The following ZNF786 variants were observed in gnomAD, a reference collection of about 807,000 sequenced individuals.
ZNF786 encodes the protein zinc finger protein 786.
In ZNF786, 56 loss-of-function variants were observed where a neutral mutation model predicts 63.1. The ratio of observed to expected loss-of-function variants is 0.89; its 90% CI spans 0.72 to 1.11. The LOEUF is 1.11. Ranked by LOEUF, ZNF786 falls within the 50% of genes least tolerant of loss-of-function variation. The pLI is 0.00. For synonymous variants in ZNF786, 485 were observed against 406.9 expected (o/e 1.19, Z -2.31); for missense variants, 1,213 against 1,041.8 (o/e 1.16, Z -2.26).
chr7:149,073,686 TATAC>T (rs1825474158), intron 3 of ZNF786, among the ~76,000 whole-genome samples: 1 of 148,260 alleles, frequency 6.7e-6, no homozygotes, highest in Non-Finnish European at 1.5e-5. Flanking sequence ...TATACATTTA[TATAC>T]ATATGTATAT....
chr7:149,079,594 C>T (rs1422538045), intron 2 of ZNF786, among the ~76,000 whole-genome samples: 1 of 123,140 alleles, frequency 8.1e-6, no homozygotes, highest in African/African-American at 3.1e-5. Context: ...CTTTTTGGAA[C>T]GGAGTCTCAC....
At chr7:149,077,217 T>C (rs1401075892) in intron 2 of ZNF786, among the ~76,000 whole-genome samples, 3 of 152,224 alleles carry the variant, frequency 2.0e-5, no homozygotes, top group Non-Finnish European at 4.4e-5. Context: ...GATCAGCTTA[T>C]CAAATTCCGC....
intron 1 of ZNF786, among the ~76,000 whole-genome samples, chr7:149,089,209 C>T (rs1327655799): frequency 6.6e-6 from 1 of 152,212 alleles, no homozygotes; most frequent in Non-Finnish European, 1.5e-5. Context: ...GCCTTGGCCT[C>T]CCAAAGTGCT....
chr7:149,071,176 G>A lies in ZNF786; in HGVS notation c.1596C>T (p.Ser532=), dbSNP rs557316794. The change falls in exon 4 of 4, where the codon AGC becomes AGT. Residue 532 remains serine (S), a synonymous_variant. Transcript: ENST00000491431. ...TCAGGCACTGGAAGGGCCTCTCCCCGCTGTGCACTCTCAGGTGCTCACGGA... is the reference window on the plus strand; with the variant it reads ...TCAGGCACTGGAAGGGCCTCTCCCCACTGTGCACTCTCAGGTGCTCACGGA... ...CKLREHLRVH[S]GERPFQCLKC... is the part of the protein sequence containing the mutation. The A allele has an allele frequency of 6.2e-6, 10 of 1,610,988 alleles. No individual in the cohort carries two copies. The South Asian group carries it at 7.7e-5, about 12-fold the overall frequency.
chr7:149,082,768 A>T (rs1209763585), intron 1 of ZNF786, among the ~76,000 whole-genome samples: 1 of 151,752 alleles, frequency 6.6e-6, no homozygotes, highest in African/African-American at 2.4e-5. Context: ...TTTTTTGTAG[A>T]GACGGGGTTT....
At chr7:149,082,555 G>A (rs748288087) in intron 1 of ZNF786, 54 of 909,440 alleles carry the variant, frequency 5.9e-5, no homozygotes, top group Non-Finnish European at 6.6e-5. Flanking sequence ...AATTTTTATG[G>A]GTATTAAAGT....
Position 149,070,884 on chromosome 7 carries a change from A to G in ZNF786, c.1888T>C (p.Tyr630His). Residue 630 changes from tyrosine to histidine, a missense_variant, in exon 4 of 4, where the codon TAT (tyrosine) becomes CAT (histidine). Coordinates refer to ENST00000491431, the MANE Select transcript of ZNF786 (RefSeq NM_152411.4). ...PFQCPECDKR[Y>H]RVKADMKAHQ... ...GCCTTCATGTCGGCCTTCACGCGAT[A>G]GCGCTTGTCGCACTCCGGACACTGG... 2 of 1,613,504 alleles carry G rather than the reference A, an allele frequency of 1.2e-6. No homozygotes were observed. The highest frequency in any genetic ancestry group is 1.7e-6 in the Non-Finnish European group (2 of 1,179,970).
At position 149,081,483 on chromosome 7, in the gene ZNF786, A is replaced by G. The variant is rs1825653534; in HGVS notation, c.19-766T>C. Among the ~76,000 whole-genome samples, 3 of 149,514 alleles carry G rather than the reference A, an allele frequency of 2.0e-5. No homozygotes were observed. In the South Asian group the frequency reaches 6.3e-4, roughly 32 times the overall value. On this transcript the variant is annotated intron_variant, in intron 1 of 3. Coordinates refer to ENST00000491431, the MANE Select transcript of ZNF786 (RefSeq NM_152411.4). The stretch of plus-strand genomic sequence containing the variant: ...AAAAAAGTGTTCTCATGCGCTTTCT[A>G]GGTATTAGTGCTTTTACTTCTTCAG...
intron 1 of ZNF786, among the ~76,000 whole-genome samples, chr7:149,088,480 TATG>T (rs1447176078): frequency 1.3e-5 from 2 of 152,244 alleles, no homozygotes; most frequent in Non-Finnish European, 2.9e-5. Context: ...TGCATAGCAC[TATG>T]ATTTTTAGAA....
At chr7:149,087,316 C>T (rs1362966187) in intron 1 of ZNF786, among the ~76,000 whole-genome samples, 1 of 152,162 alleles carries the variant, frequency 6.6e-6, no homozygotes, top group Non-Finnish European at 1.5e-5. Context: ...CAATATATTA[C>T]AAAATTTTGC....
At position 149,071,872 on chromosome 7, in the gene ZNF786, T is replaced by G. The variant is rs774791183; in HGVS notation, c.900A>C (p.Pro300=). 4.4e-6 allele frequency: 7 copies of G among 1,600,280 alleles called. No individual in the cohort carries two copies. In the South Asian group the frequency reaches 7.7e-5, roughly 18 times the overall value. The change falls in exon 4 of 4, where the codon CCA becomes CCC. Residue 300 remains proline, a synonymous_variant. Transcript: ENST00000491431. ...CCACTGGGAGGGAGCGCTTGCCGCA[T>G]GGGGTGCACTGGGCAGGCTTCTCCC... ...QQGEKPAQCT[P]CGKRSLPVDS...
At position 149,071,904 on chromosome 7, in the gene ZNF786, G is replaced by A; in HGVS notation, c.868C>T (p.Gln290Ter). ...ELTHPSHRLP[Q>*]QGEKPAQCTP... ...CACTGGGCAGGCTTCTCCCCCTGCT[G>A]CGGGAGGCGGTGGCTGGGATGGGTC... is the stretch of plus-strand genomic sequence containing the variant. Residue 290 changes from glutamine (Q) to a stop codon, truncating the protein, a stop_gained, in exon 4 of 4, where the codon CAG (glutamine) becomes TAG (stop). Transcript: ENST00000491431. LOFTEE classifies it high-confidence loss of function. 1 of 1,604,956 alleles carries A rather than the reference G, an allele frequency of 6.2e-7. No individual in the cohort carries two copies. Among genetic ancestry groups the A allele is most frequent in the Non-Finnish European group, 8.5e-7 (1 of 1,176,764 alleles).
At position 149,072,237 on chromosome 7, in the gene ZNF786, C is replaced by T. The variant is rs1374011634; in HGVS notation, c.535G>A (p.Val179Ile). ...TGCTGGGTGCTCTCCCAGGCGGGGA[C>T]GTCCCACAAACCAGGAAGATCCAGA... is the stretch of plus-strand genomic sequence containing the variant. ...RNLDLPGLWD[V>I]PAWESTQHPW... The change falls in exon 4 of 4, where the codon GTC becomes ATC. Residue 179 changes from valine (V) to isoleucine (I), a missense_variant. Transcript: ENST00000491431. 1.2e-6 allele frequency: 2 copies of T among 1,613,526 alleles called. No individual in the cohort carries two copies. Among genetic ancestry groups the T allele is most frequent in the Admixed American group, 1.7e-5 (1 of 59,932 alleles).
intron 1 of ZNF786, among the ~76,000 whole-genome samples, chr7:149,088,537 TTG>T (rs1474791525): frequency 1.3e-5 from 2 of 152,230 alleles, no homozygotes; most frequent in African/African-American, 2.4e-5. Context: ...ATGTTTATAC[TTG>T]TGTTAAAGAT....
chr7:149,087,053 G>C (rs1825751219), intron 1 of ZNF786, among the ~76,000 whole-genome samples: 1 of 152,078 alleles, frequency 6.6e-6, no homozygotes, highest in South Asian at 2.1e-4. Flanking sequence ...TTGTTGGTCA[G>C]GCTGGTCTTG....
intron 1 of ZNF786, among the ~76,000 whole-genome samples, chr7:149,084,449 C>T (rs1239460769): frequency 2.0e-5 from 3 of 150,348 alleles, no homozygotes; most frequent in African/African-American, 4.8e-5. Flanking sequence ...ACATTCCCAC[C>T]AGCAGTGTAT....
intron 1 of ZNF786, among the ~76,000 whole-genome samples, chr7:149,089,622 G>A (rs562518749): frequency 6.7e-6 from 1 of 149,924 alleles, no homozygotes; most frequent in African/African-American, 2.5e-5. Context: ...TGGCCTGAAT[G>A]TCACAAGTTT....
At chr7:149,088,697 G>T (rs898997557) in intron 1 of ZNF786, among the ~76,000 whole-genome samples, 1 of 152,136 alleles carries the variant, frequency 6.6e-6, no homozygotes, top group South Asian at 2.1e-4. Context: ...TTTTTCTTCA[G>T]AGTTCCTTTT....
rs758838611 is a variant in ZNF786 at position 149,070,905 on chromosome 7, A to C, written c.1867T>G (p.Cys623Gly). The change falls in exon 4 of 4, where the codon TGT becomes GGT. Residue 623 changes from cysteine (C) to glycine (G), a missense_variant. Transcript: ENST00000491431. Reference protein sequence around the residue: ...RLHTGERPFQCPECDKRYRVK... With the variant: ...RLHTGERPFQGPECDKRYRVK... ...CGATAGCGCTTGTCGCACTCCGGACACTGGAAGGGCCTCTCTCCCGTGTGC... is the reference window on the plus strand; with the variant it reads ...CGATAGCGCTTGTCGCACTCCGGACCCTGGAAGGGCCTCTCTCCCGTGTGC... The C allele has an allele frequency of 6.2e-7, 1 of 1,613,574 alleles. No homozygotes were observed. Among genetic ancestry groups the C allele is most frequent in the Non-Finnish European group, 8.5e-7 (1 of 1,179,970 alleles).
Sources: gnomAD v4.1 joint callset for allele counts (sites outside exome capture counted in the v4.1 genomes callset) on GRCh38, gnomAD v4.1.1 for gene constraint, MANE v1.5 for transcripts, NCBI Gene and HGNC (gene_info 2026-07-23, HGNC 2026-07-21) for gene names.